The following AKR1D1 variants were observed in gnomAD, a reference collection of about 807,000 sequenced individuals.
The protein encoded by AKR1D1 is aldo-keto reductase family 1 member D1, also known as delta(4)-3-ketosteroid 5-beta-reductase.
Under a neutral mutation model 42.6 loss-of-function variants are expected in AKR1D1, and 32 were observed. The observed-to-expected ratio is 0.75, with a 90% confidence interval of 0.57 to 1.01. The LOEUF is 1.01. Among genes scored for constraint, AKR1D1 ranks in the 50% least tolerant of loss-of-function variants. The probability of loss-of-function intolerance (pLI) is 0.00; values close to 1 mark genes in which losing one functional copy is unlikely to be tolerated. For missense variants in AKR1D1, 364 were observed against 402.2 expected (o/e 0.91, Z 0.81); for synonymous variants, 123 against 135.5 (o/e 0.91, Z 0.64).
chr7:138,111,722 A>C (rs1379939862), intron 7 of AKR1D1, among the ~76,000 whole-genome samples: 1 of 152,240 alleles, frequency 6.6e-6, no homozygotes, highest in Non-Finnish European at 1.5e-5. Flanking sequence ...TGAATTTGAA[A>C]GCTTATATTA....
chr7:138,108,636 C>T (rs1036940431), intron 7 of AKR1D1, among the ~76,000 whole-genome samples: 7 of 151,930 alleles, frequency 4.6e-5, no homozygotes, highest in South Asian at 2.1e-4. Context: ...TAGTGGTTAC[C>T]GGAGGCTGAG....
chr7:138,097,808 T>C, intron 3 of AKR1D1, 58 bp from the exon 4 acceptor site: 2 of 1,328,902 alleles, frequency 1.5e-6, no homozygotes, highest in South Asian at 1.2e-5. Context: ...AATTCTATTA[T>C]TTAATTCCCA....
intron 3 of AKR1D1, among the ~76,000 whole-genome samples, chr7:138,092,596 G>A (rs1490906629): frequency 1.3e-5 from 2 of 152,156 alleles, no homozygotes; most frequent in African/African-American, 2.4e-5. Context: ...ACGCAAACAC[G>A]TTGTGCCTAA....
rs777197723 is a variant in AKR1D1, at chr7:138,088,735, G to C, written c.228G>C (p.Lys76Asn). 1.9e-6 allele frequency: 3 copies of C among 1,609,802 alleles called. No individual in the cohort carries two copies. The South Asian group carries it at 3.3e-5, about 18-fold the overall frequency. Reference sequence around the variant, plus strand: ...TCAGGGAGAAGATAGCAGAAGGAAAGGTGCGGAGGGAAGATATCTTCTACT... The same window carrying C: ...TCAGGGAGAAGATAGCAGAAGGAAACGTGCGGAGGGAAGATATCTTCTACT... ...EAIREKIAEG[K>N]VRREDIFYCG... is the part of the protein sequence containing the mutation. The change falls in exon 2 of 9, where the codon AAG becomes AAC. Residue 76 changes from lysine (K) to asparagine (N), a missense_variant. Lys to Asn is a moderately conservative substitution (Grantham distance 94, BLOSUM62 0). Coordinates refer to ENST00000242375, the MANE Select transcript of AKR1D1 (RefSeq NM_005989.4).
In AKR1D1 at chr7:138,096,625, C is replaced by A. The variant is rs758488289; in HGVS notation, c.379-1241C>A. ...TATTACCAAAGTCAACAAAGACTTT[C>A]ATCCTGCCAAATTCAATAGACATTT... On this transcript the variant is annotated intron_variant, in intron 3 of 8. Transcript: ENST00000242375. Among the ~76,000 whole-genome samples the A allele has an allele frequency of 7.8e-4, 119 of 152,216 alleles. 2 individuals are homozygous for A. The highest frequency in any genetic ancestry group is 1.5e-3 in the Non-Finnish European group (101 of 68,038).
rs536348385 is a variant in AKR1D1 at position 138,110,667 on chromosome 7, C to G, written c.856-3023C>G. Among the ~76,000 whole-genome samples the G allele has an allele frequency of 3.3e-5, 5 of 152,098 alleles. No individual in the cohort carries two copies. The South Asian group carries it at 1.0e-3, about 32-fold the overall frequency. Reference sequence around the variant, plus strand: ...GCTCAGGAGGCTGAGGCAGGAGAATCGCTTGAACTAGGGATGCGGAGTTTG... The same window carrying G: ...GCTCAGGAGGCTGAGGCAGGAGAATGGCTTGAACTAGGGATGCGGAGTTTG... On this transcript the variant is annotated intron_variant, in intron 7 of 8. Coordinates refer to ENST00000242375, the MANE Select transcript of AKR1D1 (RefSeq NM_005989.4).
chr7:138,106,714 T>C lies in AKR1D1; in HGVS notation c.686T>C (p.Ile229Thr), dbSNP rs769310676. The C allele has an allele frequency of 6.3e-6, 10 of 1,599,016 alleles. No homozygotes were observed. The highest frequency in any genetic ancestry group is 8.6e-6 in the Non-Finnish European group (10 of 1,166,194). ...YSPLGTSRNPIWVNVSSPPLL... is the reference protein window; with the variant it reads ...YSPLGTSRNPTWVNVSSPPLL... ...CCTTTGGGGACCAGTAGGAATCCAATCTGGTAAGTAAAACTTTAGGAAGCA... is the reference window on the plus strand; with the variant it reads ...CCTTTGGGGACCAGTAGGAATCCAACCTGGTAAGTAAAACTTTAGGAAGCA... Residue 229 changes from isoleucine (I) to threonine (T), a missense_variant, in exon 6 of 9, where the codon ATC (isoleucine) becomes ACC (threonine). Ile to Thr is a moderately conservative substitution (Grantham distance 89). Transcript: ENST00000242375.
At chr7:138,078,968 T>C (rs1802997728) in intron 1 of AKR1D1, among the ~76,000 whole-genome samples, 1 of 152,184 alleles carries the variant, frequency 6.6e-6, no homozygotes, top group African/African-American at 2.4e-5. Flanking sequence ...CTCAGGAATG[T>C]GCCATCCTTT....
At chr7:138,109,938 G>A (rs1385597633) in intron 7 of AKR1D1, among the ~76,000 whole-genome samples, 1 of 152,070 alleles carries the variant, frequency 6.6e-6, no homozygotes, top group Admixed American at 6.6e-5. Flanking sequence ...CACTCTCCTT[G>A]AAATTTTCAT....
rs776247999 is a variant in AKR1D1, at chr7:138,096,392, T to C, written c.379-1474T>C. On this transcript the variant is annotated intron_variant, in intron 3 of 8. Transcript: ENST00000242375. ...GCACCTCACTAGAGCCTTCTTGCTA[T>C]GTCATCACATGCTGGAACGAGGAAG... is the stretch of plus-strand genomic sequence containing the variant. Among the ~76,000 whole-genome samples the C allele has an allele frequency of 1.7e-4, 26 of 152,258 alleles. 1 individual carries two copies. Among genetic ancestry groups the C allele is most frequent in the Admixed American group, 9.2e-4 (14 of 15,290 alleles).
In AKR1D1 at chr7:138,076,473, A is replaced by T. The variant is rs145509975; in HGVS notation, c.-46A>T. The T allele has an allele frequency of 8.6e-6, 13 of 1,515,252 alleles. No homozygotes were observed. In the East Asian group the frequency reaches 2.7e-4, roughly 32 times the overall value. 93.9% of individuals were successfully genotyped at this position (1,515,252 alleles called of 1,614,324 possible). A position where few individuals can be genotyped will look rare whatever the true frequency, so the allele number is the denominator to read the frequency against. ...GGCCCTAGGACACCTTTCTAAAAAG[A>T]CTCCCTGTGGTGTTCAGAATCACTC... On this transcript the variant is annotated 5_prime_UTR_variant, in exon 1 of 9. Transcript: ENST00000242375.
chr7:138,077,811 T>C (rs937146483), intron 1 of AKR1D1, among the ~76,000 whole-genome samples: 4 of 152,216 alleles, frequency 2.6e-5, no homozygotes, highest in Admixed American at 1.3e-4. Context: ...AGAGACATTT[T>C]AGTTAGACAG....
At chr7:138,095,156 A>C (rs148269886) in intron 3 of AKR1D1, among the ~76,000 whole-genome samples, 3 of 152,324 alleles carry the variant, frequency 2.0e-5, no homozygotes. Context: ...TTCAGGCTTG[A>C]TAACCACCTG....
chr7:138,091,374 GT>G, intron 2 of AKR1D1: 1 of 266,200 alleles, frequency 3.8e-6, no homozygotes, highest in South Asian at 4.2e-5. Context: ...AAGGAGGAGG[GT>G]TTTTAGGTCA....
rs1349872643 is a variant in AKR1D1, at chr7:138,101,285, C to T, written c.456+3342C>T. Among the ~76,000 whole-genome samples, 8 of 150,804 alleles carry T rather than the reference C, an allele frequency of 5.3e-5. 1 individual carries two copies. The South Asian group carries it at 1.3e-3, about 24-fold the overall frequency. Reference sequence around the variant, plus strand: ...CGCAATCTCAGCTCACTGCAACCTCCGCCTCTCGGGTTCAATCGATTCTCC... The same window carrying T: ...CGCAATCTCAGCTCACTGCAACCTCTGCCTCTCGGGTTCAATCGATTCTCC... On this transcript the variant is annotated intron_variant, in intron 4 of 8. Transcript: ENST00000242375.
chr7:138,116,050 T>C (rs1794626686), intron 8 of AKR1D1, among the ~76,000 whole-genome samples: 1 of 151,876 alleles, frequency 6.6e-6, no homozygotes, highest in African/African-American at 2.4e-5. Flanking sequence ...TGGTGGCACA[T>C]ACCTATAATC....
At chr7:138,089,078 G>A (rs1013939963) in intron 2 of AKR1D1, among the ~76,000 whole-genome samples, 3 of 152,022 alleles carry the variant, frequency 2.0e-5, no homozygotes, top group African/African-American at 4.8e-5. Flanking sequence ...GGCTGGGTGC[G>A]GTGTCTCACG....
chr7:138,089,875 A>T (rs1210187099), intron 2 of AKR1D1, among the ~76,000 whole-genome samples: 1 of 152,152 alleles, frequency 6.6e-6, no homozygotes, highest in African/African-American at 2.4e-5. Flanking sequence ...AAGAGCCTAG[A>T]CTGGTGCAAG....
chr7:138,113,825 G>A, intron 8 of AKR1D1, 53 bp downstream of exon 8: 4 of 1,514,724 alleles, frequency 2.6e-6, no homozygotes, highest in Admixed American at 1.7e-5. Flanking sequence ...GAATGGTCAT[G>A]TGTCAAGCAA....
Sources: gnomAD v4.1 joint callset for allele counts (sites outside exome capture counted in the v4.1 genomes callset) on GRCh38, gnomAD v4.1.1 for gene constraint, MANE v1.5 for transcripts, NCBI Gene and HGNC (gene_info 2026-07-23, HGNC 2026-07-21) for gene names.